Variants in SIK3 observed in about 807,000 individuals in gnomAD.
SIK3 encodes the protein SIK family kinase 3, also known as serine/threonine-protein kinase SIK3.
SIK3 carries 28 observed loss-of-function variants against 144.2 expected under a neutral mutation model. That is an observed-to-expected ratio of 0.19 (90% CI 0.14 to 0.27). The LOEUF is 0.27. SIK3 is among the 10% of genes least tolerant of loss of function. SIK3 has a pLI of 1.00. For missense variants in SIK3, 1,319 were observed against 1,776.0 expected (o/e 0.74, Z 4.62); for synonymous variants, 686 against 676.3 (o/e 1.01, Z -0.22).
intron 1 of SIK3, among the ~76,000 whole-genome samples, chr11:117,076,668 G>A (rs1954554380): frequency 6.6e-6 from 1 of 151,980 alleles, no homozygotes; most frequent in Non-Finnish European, 1.5e-5. Context: ...TGGGATTACA[G>A]GCACCCGCTA....
At chr11:116,938,608 GAGGA>G (rs1278101726) in intron 3 of SIK3, among the ~76,000 whole-genome samples, 9 of 66,872 alleles carry the variant, frequency 1.3e-4, no homozygotes, top group African/African-American at 6.1e-4. Flanking sequence ...GAGGAGAGGA[GAGGA>G]GAGGGGAGGG....
chr11:116,991,022 C>T (rs1950482483), intron 1 of SIK3, among the ~76,000 whole-genome samples: 2 of 152,220 alleles, frequency 1.3e-5, no homozygotes, highest in African/African-American at 4.8e-5. Flanking sequence ...ACAGTTCTTT[C>T]AGGTAGGCAT....
chr11:116,912,563 T>G (rs905971986), intron 4 of SIK3, among the ~76,000 whole-genome samples: 1 of 152,210 alleles, frequency 6.6e-6, no homozygotes, highest in Non-Finnish European at 1.5e-5. Flanking sequence ...CAGTACAGCT[T>G]TGAGCGACGG....
chr11:117,007,303 G>C (rs1490549996), intron 1 of SIK3, among the ~76,000 whole-genome samples: 2 of 152,168 alleles, frequency 1.3e-5, no homozygotes, highest in Non-Finnish European at 2.9e-5. Flanking sequence ...GCTTGAACCT[G>C]GGAGGCAGAG....
In SIK3 at chr11:116,858,382, G is replaced by A. The variant is rs1485284314; in HGVS notation, c.3083C>T (p.Thr1028Ile). 6.2e-7 allele frequency: 1 copy of A among 1,613,664 alleles called. No individual in the cohort carries two copies. Reference sequence around the variant, plus strand: ...GGGCAGCCGGATGTCCGAGTGGCCGGTGAGCGAATGCCGGGGAGAAAGCAG... The same window carrying A: ...GGGCAGCCGGATGTCCGAGTGGCCGATGAGCGAATGCCGGGGAGAAAGCAG... ...QGLLSPRHSL[T>I]GHSDIRLPPT... Residue 1028 changes from threonine to isoleucine, a missense_variant, in exon 21 of 25, where the codon ACC becomes ATC. Transcript: ENST00000445177. The surrounding 1 kb of genome is among the most constrained non-coding windows in gnomAD (Gnocchi z 5.4).
intron 3 of SIK3, among the ~76,000 whole-genome samples, chr11:116,953,500 T>C (rs1408155632): frequency 4.6e-5 from 7 of 152,208 alleles, no homozygotes; most frequent in Non-Finnish European, 1.0e-4. Flanking sequence ...ATTTCTGACA[T>C]TGTGCTAAAG....
At chr11:116,992,504 G>A (rs969889315) in intron 1 of SIK3, among the ~76,000 whole-genome samples, 1 of 151,872 alleles carries the variant, frequency 6.6e-6, no homozygotes, top group African/African-American at 2.4e-5. Context: ...ACTTCCAAAT[G>A]TAAAAATAAA....
At chr11:116,902,772 A>G (rs1945807609) in intron 4 of SIK3, among the ~76,000 whole-genome samples, 1 of 152,210 alleles carries the variant, frequency 6.6e-6, no homozygotes, top group Non-Finnish European at 1.5e-5. Context: ...ACATTCAAGC[A>G]AAATCTTGCT....
At chr11:116,978,481 T>A (rs1286394412) in intron 1 of SIK3, among the ~76,000 whole-genome samples, 1 of 152,134 alleles carries the variant, frequency 6.6e-6, no homozygotes, top group African/African-American at 2.4e-5. Context: ...TTTGCCTGCA[T>A]CTAAACTTTA....
chr11:116,911,534 G>A (rs897541165), intron 4 of SIK3, among the ~76,000 whole-genome samples: 7 of 151,976 alleles, frequency 4.6e-5, no homozygotes, highest in Admixed American at 2.6e-4. Flanking sequence ...TGACTATATG[G>A]AGCAACATGG....
At chr11:117,024,547 G>A (rs1037556323) in intron 1 of SIK3, among the ~76,000 whole-genome samples, 1 of 152,068 alleles carries the variant, frequency 6.6e-6, no homozygotes, top group African/African-American at 2.4e-5. Flanking sequence ...GATTCATCAG[G>A]TAACACCACC....
chr11:116,875,493 T>C (rs751875178), intron 9 of SIK3, 42 bp from the exon 10 acceptor site: 1 of 1,573,880 alleles, frequency 6.4e-7, no homozygotes, highest in Non-Finnish European at 8.7e-7. Context: ...CCTTTAACAC[T>C]AGAGAGAAAT....
intron 1 of SIK3, 63 bp from the exon 2 acceptor site, chr11:116,957,127 T>A: frequency 1.2e-6 from 1 of 832,038 alleles, no homozygotes; most frequent in Non-Finnish European, 1.8e-6. Context: ...TAAGAAAAAT[T>A]AGGTTCACTT....
At chr11:117,019,830 G>C (rs193236544) in intron 1 of SIK3, among the ~76,000 whole-genome samples, 1 of 151,938 alleles carries the variant, frequency 6.6e-6, no homozygotes, top group African/African-American at 2.4e-5. Flanking sequence ...TCCAGGAGGC[G>C]GAGGTTTCAG....
chr11:117,086,275 A>G lies in SIK3; in HGVS notation c.273+11868T>C, dbSNP rs77764888. Among the ~76,000 whole-genome samples the G allele has an allele frequency of 1.0e-3, 154 of 152,352 alleles. 1 individual carries two copies. Among genetic ancestry groups the G allele is most frequent in the African/African-American group, 3.3e-3 (139 of 41,584 alleles). On this transcript the variant is annotated intron_variant, in intron 1 of 24. Coordinates refer to ENST00000445177, the MANE Select transcript of SIK3 (RefSeq NM_001366686.3). ...CTGCTGCATTACCATATTTATTCAT[A>G]TAACTTTCTCCTTCACAATCTCCTT...
chr11:116,985,587 C>G (rs1037694721), intron 1 of SIK3, among the ~76,000 whole-genome samples: 1 of 152,088 alleles, frequency 6.6e-6, no homozygotes, highest in African/African-American at 2.4e-5. Flanking sequence ...ACTGTTTTGG[C>G]CTCCATTTGT....
intron 6 of SIK3, among the ~76,000 whole-genome samples, chr11:116,894,730 T>C (rs1289611847): frequency 1.3e-5 from 2 of 152,232 alleles, no homozygotes; most frequent in African/African-American, 4.8e-5. Flanking sequence ...TTAATGTTTG[T>C]GAAGTGCTTT....
At chr11:116,889,947 A>C (rs900476568) in intron 6 of SIK3, among the ~76,000 whole-genome samples, 1 of 152,218 alleles carries the variant, frequency 6.6e-6, no homozygotes, top group Non-Finnish European at 1.5e-5. Flanking sequence ...AGCCCTAAAC[A>C]AATGTAATTA....
chr11:116,924,189 G>C (rs1665539287), intron 4 of SIK3, among the ~76,000 whole-genome samples: 1 of 151,928 alleles, frequency 6.6e-6, no homozygotes, highest in Admixed American at 6.6e-5. Flanking sequence ...AGCTACACGG[G>C]AGGCTGAGGT....
Sources: allele counts gnomAD v4.1 joint callset (sites outside exome capture counted in the v4.1 genomes callset), GRCh38; gene constraint gnomAD v4.1.1; non-coding constraint Gnocchi (gnomAD v3.1); transcripts MANE v1.5; gene names NCBI Gene and HGNC (gene_info 2026-07-23, HGNC 2026-07-21).